Variants in PBRM1 observed in about 807,000 individuals in gnomAD.
The protein encoded by PBRM1 is protein polybromo-1.
In PBRM1, 27 loss-of-function variants were observed where a neutral mutation model predicts 194.5. The ratio of observed to expected loss-of-function variants is 0.14; its 90% CI spans 0.10 to 0.19. The LOEUF (loss-of-function observed/expected upper bound fraction) is 0.19, where lower values mean the gene tolerates loss of function less well. Among genes scored for constraint, PBRM1 ranks in the 10% least tolerant of loss-of-function variants. PBRM1 has a pLI of 1.00. For synonymous variants in PBRM1, 655 were observed against 693.2 expected (o/e 0.94, Z 0.87); for missense variants, 1,466 against 2,077.2 (o/e 0.71, Z 5.72).
chr3:52,552,897 A>G (rs1472867446), intron 27 of PBRM1, among the ~76,000 whole-genome samples: 1 of 152,234 alleles, frequency 6.6e-6, no homozygotes, highest in Non-Finnish European at 1.5e-5. Context: ...CACTGTTTTC[A>G]TATGAAGCAC....
chr3:52,639,764 T>TA (rs59715306), intron 10 of PBRM1, among the ~76,000 whole-genome samples: 4,101 of 129,298 alleles, frequency 0.032, 201 homozygotes, highest in African/African-American at 0.11. Context: ...AGAGGCAGGG[T>TA]GTTTCTATGT....
chr3:52,603,265 C>T (rs2094127519), intron 17 of PBRM1, among the ~76,000 whole-genome samples: 1 of 152,220 alleles, frequency 6.6e-6, no homozygotes, highest in South Asian at 2.1e-4. Flanking sequence ...ATTAAGCCCC[C>T]ACACTTGTGA....
At chr3:52,593,866 A>ATGTC (rs1284302387) in intron 17 of PBRM1, among the ~76,000 whole-genome samples, 1 of 152,140 alleles carries the variant, frequency 6.6e-6, no homozygotes, top group Admixed American at 6.6e-5. Flanking sequence ...ATATTAGAGT[A>ATGTC]TGTCCCATGT....
intron 5 of PBRM1, among the ~76,000 whole-genome samples, chr3:52,657,302 A>G (rs1403001394): frequency 6.6e-6 from 1 of 152,224 alleles, no homozygotes; most frequent in African/African-American, 2.4e-5. Flanking sequence ...TTTATGATAC[A>G]TATCCTTTAC....
Position 52,587,519 on chromosome 3 carries a change from TG to T in PBRM1, c.2966-10del, listed in dbSNP as rs766073291. The T allele has an allele frequency of 4.5e-6, 7 of 1,568,080 alleles. No individual in the cohort carries two copies. Among genetic ancestry groups the T allele is most frequent in the African/African-American group, 1.4e-5 (1 of 72,136 alleles). ...ATACAACCATTTTTCACCTCAAAAATGGGGGGTGGGGGAAGGGGAAGAGAAA... is the reference window on the plus strand; with the variant it reads ...ATACAACCATTTTTCACCTCAAAAATGGGGGTGGGGGAAGGGGAAGAGAAA... On this transcript the variant is annotated splice_polypyrimidine_tract_variant and intron_variant, in intron 18 of 29. Coordinates refer to ENST00000296302, the Ensembl canonical transcript of PBRM1.
chr3:52,586,691 G>A lies in PBRM1; in HGVS notation c.3124-3C>T, dbSNP rs770429761. ...TCTGGGCATAACTTAAAGTATTCCT[G>A]GGGGGTGGGGAGGGCATAAGAATAA... On this transcript the variant is annotated splice_polypyrimidine_tract_variant and splice_region_variant and intron_variant, in intron 19 of 29. Transcript: ENST00000296302. 113 of 1,592,496 alleles carry A rather than the reference G, an allele frequency of 7.1e-5. No individual in the cohort carries two copies. Among genetic ancestry groups the A allele is most frequent in the Non-Finnish European group, 9.2e-5 (107 of 1,164,004 alleles).
intron 25 of PBRM1, chr3:52,560,430 A>C (rs1243666006): frequency 6.6e-6 from 1 of 152,262 alleles, no homozygotes; most frequent in Non-Finnish European, 1.5e-5. Context: ...AGGGTTTTCC[A>C]AAGAATATTC....
chr3:52,594,420 G>T (rs571813461), intron 17 of PBRM1, among the ~76,000 whole-genome samples: 1 of 151,986 alleles, frequency 6.6e-6, no homozygotes, highest in Non-Finnish European at 1.5e-5. Flanking sequence ...TTTTCCATTT[G>T]CTTGGTAGAT....
At chr3:52,591,435 AC>A (rs2093024944) in intron 17 of PBRM1, among the ~76,000 whole-genome samples, 1 of 151,160 alleles carries the variant, frequency 6.6e-6, no homozygotes, top group Non-Finnish European at 1.5e-5. Flanking sequence ...TTTCTTTAAT[AC>A]CTAGTTTATC....
intron 5 of PBRM1, among the ~76,000 whole-genome samples, chr3:52,656,667 C>T (rs1250094731): frequency 6.6e-6 from 1 of 151,946 alleles, no homozygotes; most frequent in Non-Finnish European, 1.5e-5. Context: ...TCCGTCTCAA[C>T]AATTAATAAA....
chr3:52,569,670 T>TG (rs1316215221), intron 22 of PBRM1, among the ~76,000 whole-genome samples: 1 of 152,256 alleles, frequency 6.6e-6, no homozygotes, highest in East Asian at 1.9e-4. Context: ...CTTTGCAATT[T>TG]GTTCAAGCAT....
chr3:52,593,913 G>T (rs1371819110), intron 17 of PBRM1, among the ~76,000 whole-genome samples: 1 of 152,186 alleles, frequency 6.6e-6, no homozygotes, highest in Non-Finnish European at 1.5e-5. Flanking sequence ...TGATCTTTGG[G>T]TGGAGAGTTC....
chr3:52,552,860 C>A (rs2081310695), intron 27 of PBRM1, among the ~76,000 whole-genome samples: 1 of 152,234 alleles, frequency 6.6e-6, no homozygotes, highest in Non-Finnish European at 1.5e-5. Flanking sequence ...ATGACTGACT[C>A]CTGCTGCAAC....
intron 18 of PBRM1, among the ~76,000 whole-genome samples, chr3:52,588,552 C>CTTTTTTTTTTTTTTTT (rs36058575): frequency 1.8e-5 from 2 of 110,150 alleles, no homozygotes; most frequent in Non-Finnish European, 3.7e-5. Flanking sequence ...GTATTTCTTT[C>CTTTTTTTTTTTTTTTT]TTTTTTTTTT....
intron 13 of PBRM1, among the ~76,000 whole-genome samples, chr3:52,620,152 A>G (rs2095206329): frequency 6.6e-6 from 1 of 152,212 alleles, no homozygotes; most frequent in African/African-American, 2.4e-5. Context: ...GCAAGTGGAT[A>G]ATACAAGGGA....
At chr3:52,655,484 T>G (rs1386602305) in intron 5 of PBRM1, among the ~76,000 whole-genome samples, 4 of 152,184 alleles carry the variant, frequency 2.6e-5, no homozygotes, top group Non-Finnish European at 5.9e-5. Flanking sequence ...GACACCTGAG[T>G]TGCTTCCATT....
intron 2 of PBRM1, among the ~76,000 whole-genome samples, chr3:52,677,659 C>CG (rs2097135860): frequency 6.6e-6 from 1 of 152,112 alleles, no homozygotes; most frequent in South Asian, 2.1e-4. Context: ...CTGATCCACC[C>CG]GCCTTCGCCT....
In PBRM1 at chr3:52,574,852, T is replaced by C. The variant is rs574958143; in HGVS notation, c.3691+1689A>G. Among the ~76,000 whole-genome samples, 5 of 152,324 alleles carry C rather than the reference T, an allele frequency of 3.3e-5. No homozygotes were observed. In the East Asian group the frequency reaches 9.6e-4, roughly 29 times the overall value. On this transcript the variant is annotated intron_variant, in intron 22 of 29. Transcript: ENST00000296302. ...AAACCTCTGTCAAATCACTGGCTGA[T>C]CACTAAGCTTATAGAACAGAGACTG...
chr3:52,603,735 A>G lies in PBRM1; in HGVS notation c.2568-3T>C, dbSNP rs201587946. The G allele has an allele frequency of 7.5e-6, 12 of 1,603,006 alleles. No individual in the cohort carries two copies. Among genetic ancestry groups the G allele is most frequent in the African/African-American group, 5.3e-5 (4 of 74,866 alleles). ...CTTCATATATTTCTGAATCTGTCCT[A>G]TAACAGCATCAAGAGTATCCATTGA... On this transcript the variant is annotated splice_region_variant and splice_polypyrimidine_tract_variant and intron_variant, in intron 16 of 29. Transcript: ENST00000296302.
Sources: allele counts gnomAD v4.1 joint callset (sites outside exome capture counted in the v4.1 genomes callset), GRCh38; gene constraint gnomAD v4.1.1; transcripts MANE v1.5; gene names NCBI Gene and HGNC (gene_info 2026-07-23, HGNC 2026-07-21).